Variants in DENND5B observed in about 807,000 individuals in gnomAD.
DENND5B encodes the protein DENN domain containing 5B.
Under a neutral mutation model 140.6 loss-of-function variants are expected in DENND5B, and 34 were observed. That is an observed-to-expected ratio of 0.24 (90% confidence interval 0.18 to 0.32). The LOEUF (loss-of-function observed/expected upper bound fraction) is 0.32, where lower values mean the gene tolerates loss of function less well. Ranked by LOEUF, DENND5B falls within the 10% of genes least tolerant of loss-of-function variation. The probability of loss-of-function intolerance (pLI) is 1.00; values close to 1 mark genes in which losing one functional copy is unlikely to be tolerated. For synonymous variants in DENND5B, 551 were observed against 562.1 expected (o/e 0.98, Z 0.28); for missense variants, 1,142 against 1,560.2 (o/e 0.73, Z 4.52).
Position 31,476,802 on chromosome 12 carries a change from C to G in DENND5B, c.904+2787G>C, listed in dbSNP as rs115589060. Reference sequence around the variant, plus strand: ...AGACCCCATCTCTAAAAATTAAAGGCAAAACAAAAGAACCCACCCACCCCC... The same window carrying G: ...AGACCCCATCTCTAAAAATTAAAGGGAAAACAAAAGAACCCACCCACCCCC... On this transcript the variant is annotated intron_variant, in intron 3 of 20. Transcript: ENST00000389082. 9.0e-3 allele frequency among the ~76,000 whole-genome samples: 1,372 copies of G among 152,116 alleles called. 29 individuals are homozygous for G. Among genetic ancestry groups the G allele is most frequent in the African/African-American group, 0.032 (1,314 of 41,482 alleles).
intron 14 of DENND5B, among the ~76,000 whole-genome samples, chr12:31,406,385 ACTTT>A (rs1593080022): frequency 1.3e-5 from 2 of 152,296 alleles, no homozygotes; most frequent in South Asian, 4.1e-4. Flanking sequence ...TACATAAAAG[ACTTT>A]CTTTATGTTA....
rs1452902656 is a variant in DENND5B, at chr12:31,387,681, G to A, written c.3747C>T (p.Ser1249=). ...GAATGGTCTGCAGAATTCGGATAAG[G>A]GAGTTGACAGTCATGCGGTCTCGCA... ...ALLRDRMTVN[S]LIRILQTIQD... is the part of the protein sequence containing the mutation. Residue 1249 remains serine, a synonymous_variant, in exon 21 of 21, where the codon TCC becomes TCT. Coordinates refer to ENST00000389082, the MANE Select transcript of DENND5B (RefSeq NM_144973.4). 5.6e-6 allele frequency: 9 copies of A among 1,613,930 alleles called. No individual in the cohort carries two copies. In the Admixed American group the frequency reaches 1.3e-4, roughly 24 times the overall value.
chr12:31,501,030 G>A (rs535283528), intron 1 of DENND5B, among the ~76,000 whole-genome samples: 1 of 152,294 alleles, frequency 6.6e-6, no homozygotes, highest in South Asian at 2.1e-4. Flanking sequence ...GCCAAAAGGA[G>A]CCTAAGTAGA....
At chr12:31,520,632 C>T (rs1947840494) in intron 1 of DENND5B, among the ~76,000 whole-genome samples, 1 of 152,038 alleles carries the variant, frequency 6.6e-6, no homozygotes, top group South Asian at 2.1e-4. Flanking sequence ...CCTCCACCTC[C>T]TGGGTTCAAG....
Position 31,476,174 on chromosome 12 carries a change from A to G in DENND5B, c.904+3415T>C, listed in dbSNP as rs532297817. Among the ~76,000 whole-genome samples, 145 of 151,096 alleles carry G rather than the reference A, an allele frequency of 9.6e-4. No individual in the cohort carries two copies. The Middle Eastern group carries it at 0.014, about 14-fold the overall frequency. On this transcript the variant is annotated intron_variant, in intron 3 of 20. Coordinates refer to ENST00000389082, the MANE Select transcript of DENND5B (RefSeq NM_144973.4). ...AATAAAAGAGGAAGTGTGATAATGG[A>G]AGCTTTTGGAGTTTTTTTTTGCCTT...
chr12:31,581,596 G>A (rs548640532), intron 1 of DENND5B, among the ~76,000 whole-genome samples: 2 of 151,828 alleles, frequency 1.3e-5, no homozygotes, highest in Admixed American at 1.3e-4. Flanking sequence ...GGGAAGCTGA[G>A]GCAGGTGAAT....
At chr12:31,559,205 AC>A (rs1298315824) in intron 1 of DENND5B, among the ~76,000 whole-genome samples, 1 of 152,234 alleles carries the variant, frequency 6.6e-6, no homozygotes, top group African/African-American at 2.4e-5. Context: ...AGTGGAGGAA[AC>A]GATGAACTCA....
chr12:31,404,887 G>A (rs1339808912), intron 14 of DENND5B, among the ~76,000 whole-genome samples: 12 of 149,716 alleles, frequency 8.0e-5, no homozygotes, highest in Non-Finnish European at 4.4e-5. Context: ...AGCCTCCTGA[G>A]TAGCTGGGAT....
intron 17 of DENND5B, chr12:31,396,332 C>T (rs1941466299): frequency 6.7e-6 from 1 of 149,432 alleles, no homozygotes; most frequent in South Asian, 2.1e-4. Flanking sequence ...AGCATAATGC[C>T]TGGCCAGCAT....
At chr12:31,533,281 ACAAC>A (rs1331877568) in intron 1 of DENND5B, among the ~76,000 whole-genome samples, 1 of 151,980 alleles carries the variant, frequency 6.6e-6, no homozygotes, top group East Asian at 1.9e-4. Flanking sequence ...AGCCAATACA[ACAAC>A]AAAAAATACA....
intron 1 of DENND5B, among the ~76,000 whole-genome samples, chr12:31,570,101 A>G (rs1436848415): frequency 7.4e-6 from 1 of 135,450 alleles, no homozygotes; most frequent in Non-Finnish European, 1.6e-5. Flanking sequence ...AGGCTGAGGC[A>G]GGAGAATCAC....
intron 1 of DENND5B, among the ~76,000 whole-genome samples, chr12:31,545,896 A>G (rs1383315964): frequency 7.3e-6 from 1 of 137,422 alleles, no homozygotes; most frequent in Non-Finnish European, 1.5e-5. Flanking sequence ...GGTTGCAGTG[A>G]GTCAGGATCA....
At chr12:31,409,877 C>T (rs940315483) in intron 13 of DENND5B, among the ~76,000 whole-genome samples, 1 of 152,042 alleles carries the variant, frequency 6.6e-6, no homozygotes, top group African/African-American at 2.4e-5. Flanking sequence ...CTCAAGAAAT[C>T]CTCCTGCCTC....
intron 2 of DENND5B, among the ~76,000 whole-genome samples, chr12:31,491,165 G>A (rs1946511067): frequency 1.3e-5 from 2 of 152,116 alleles, no homozygotes; most frequent in African/African-American, 4.8e-5. Context: ...TGTTTGCAAT[G>A]CTTTATTTCA....
chr12:31,464,211 C>T (rs988985599), intron 3 of DENND5B, among the ~76,000 whole-genome samples: 10 of 152,170 alleles, frequency 6.6e-5, no homozygotes, highest in African/African-American at 2.4e-4. Flanking sequence ...CTGCCTCATT[C>T]CTTATCATCA....
intron 17 of DENND5B, among the ~76,000 whole-genome samples, chr12:31,394,376 A>C (rs1437818349): frequency 6.6e-6 from 1 of 152,198 alleles, no homozygotes; most frequent in Non-Finnish European, 1.5e-5. Context: ...ATTAAAAAAA[A>C]ATGGGGGATA....
intron 14 of DENND5B, among the ~76,000 whole-genome samples, chr12:31,405,334 G>C (rs750093881): frequency 6.6e-6 from 1 of 151,552 alleles, no homozygotes; most frequent in African/African-American, 2.4e-5. Context: ...CTCCCACCTC[G>C]GCCTCCCCAG....
chr12:31,433,945 C>A, intron 7 of DENND5B, among the ~76,000 whole-genome samples: 1 of 152,224 alleles, frequency 6.6e-6, no homozygotes, highest in Non-Finnish European at 1.5e-5. Flanking sequence ...CAGTGTGCCA[C>A]GACTGCACTC....
intron 1 of DENND5B, among the ~76,000 whole-genome samples, chr12:31,521,575 T>C (rs374963421): frequency 8.5e-5 from 13 of 152,362 alleles, no homozygotes; most frequent in African/African-American, 2.6e-4. Flanking sequence ...TAGTCTGTCC[T>C]ATACAAGATG....
Sources: gnomAD v4.1 joint callset for allele counts (sites outside exome capture counted in the v4.1 genomes callset) on GRCh38, gnomAD v4.1.1 for gene constraint, MANE v1.5 for transcripts, NCBI Gene and HGNC (gene_info 2026-07-23, HGNC 2026-07-21) for gene names.